Variants in TOMM70 observed in about 807,000 individuals in gnomAD.
TOMM70 encodes translocase of outer mitochondrial membrane 70.
TOMM70 carries 13 observed loss-of-function variants against 73.6 expected under a neutral mutation model. That is an observed-to-expected ratio of 0.18 (90% CI 0.11 to 0.28). TOMM70 has a LOEUF of 0.28. TOMM70 is among the 10% of genes least tolerant of loss of function. The probability of loss-of-function intolerance (pLI) is 1.00; values close to 1 mark genes in which losing one functional copy is unlikely to be tolerated. For synonymous variants in TOMM70, 257 were observed against 271.2 expected, an observed-to-expected ratio of 0.95 and a Z score of 0.51; for missense variants, 609 against 747.5, an observed-to-expected ratio of 0.81 and a Z score of 2.16.
intron 1 of TOMM70, among the ~76,000 whole-genome samples, chr3:100,388,158 G>A (rs1415446673): frequency 6.6e-6 from 1 of 152,122 alleles, no homozygotes; most frequent in Non-Finnish European, 1.5e-5. Context: ...TTAATTTCAA[G>A]GATACATATG....
intron 6 of TOMM70, among the ~76,000 whole-genome samples, chr3:100,376,374 T>TC (rs1706566013): frequency 6.7e-6 from 1 of 148,262 alleles, no homozygotes; most frequent in African/African-American, 2.6e-5. Context: ...CAGAAGTTTT[T>TC]TTTTTTTTTT....
chr3:100,367,207 T>A (rs1706455091), intron 11 of TOMM70, among the ~76,000 whole-genome samples: 1 of 152,148 alleles, frequency 6.6e-6, no homozygotes, highest in Admixed American at 6.5e-5. Flanking sequence ...CTGGAGACTC[T>A]GTCTCATAAA....
rs536225484 is a variant in TOMM70 at position 100,373,155 on chromosome 3, A to C, written c.1335+383T>G. The stretch of plus-strand genomic sequence containing the variant: ...AAAATTTTTACTTAAAAAAAAAAAA[A>C]AAACAACCTTTTGAGCTTTGTGTTT... On this transcript the variant is annotated intron_variant, in intron 8 of 11. Transcript: ENST00000284320. Among the ~76,000 whole-genome samples the C allele has an allele frequency of 1.3e-3, 191 of 152,058 alleles. 1 individual carries two copies. The highest frequency in any genetic ancestry group is 6.8e-3 in the Middle Eastern group (2 of 294).
chr3:100,397,228 C>G (rs1706835748), intron 1 of TOMM70, among the ~76,000 whole-genome samples: 1 of 152,134 alleles, frequency 6.6e-6, no homozygotes, highest in African/African-American at 2.4e-5. Context: ...TTTATCCAAC[C>G]ACAGATAAGA....
intron 1 of TOMM70, among the ~76,000 whole-genome samples, chr3:100,395,868 C>A (rs1706820232): frequency 6.6e-6 from 1 of 152,078 alleles, no homozygotes; most frequent in Non-Finnish European, 1.5e-5. Flanking sequence ...AATTCTAGTA[C>A]CACGTGGTAA....
At chr3:100,395,768 G>A (rs143939832) in intron 1 of TOMM70, among the ~76,000 whole-genome samples, 537 of 152,272 alleles carry the variant, frequency 3.5e-3, no homozygotes, top group Middle Eastern at 0.01. Context: ...CTATGCACCT[G>A]TATTAGGTTC....
At chr3:100,397,637 T>C (rs923552183) in intron 1 of TOMM70, among the ~76,000 whole-genome samples, 4 of 152,232 alleles carry the variant, frequency 2.6e-5, no homozygotes, top group Non-Finnish European at 4.4e-5. Context: ...ATGCCTGTAA[T>C]CCCAGCACTT....
Position 100,377,808 on chromosome 3 carries a change from T to C in TOMM70, c.989A>G (p.Glu330Gly). The part of the protein sequence containing the change: ...EIDAEGKYMA[E>G]ALLLRATFYL... Reference sequence around the variant, plus strand: ...GAAGGTAGCTCGTAGTAGCAATGCTTCTGCCATGTATTTGCCTTCAGCATC... The same window carrying C: ...GAAGGTAGCTCGTAGTAGCAATGCTCCTGCCATGTATTTGCCTTCAGCATC... The change falls in exon 6 of 12, where the codon GAA becomes GGA. Residue 330 changes from glutamate (E) to glycine (G), a missense_variant. This residue lies in a region of TOMM70 where 432 missense variants were observed against 584.1 expected (regional missense o/e 0.74). Coordinates refer to ENST00000284320, the MANE Select transcript of TOMM70 (RefSeq NM_014820.5). 2 of 1,614,260 alleles carry C rather than the reference T, an allele frequency of 1.2e-6. No individual in the cohort carries two copies. The highest frequency in any genetic ancestry group is 1.7e-6 in the Non-Finnish European group (2 of 1,180,042).
At chr3:100,373,948 A>G (rs1488654857) in intron 7 of TOMM70, among the ~76,000 whole-genome samples, 1 of 152,224 alleles carries the variant, frequency 6.6e-6, no homozygotes, top group Non-Finnish European at 1.5e-5. Context: ...ACATTCTAAT[A>G]TCAAAGCAGG....
At chr3:100,396,604 T>C (rs570270904) in intron 1 of TOMM70, among the ~76,000 whole-genome samples, 10 of 152,294 alleles carry the variant, frequency 6.6e-5, no homozygotes, top group African/African-American at 9.6e-5. Flanking sequence ...AGCCCACAGA[T>C]TGAGAAGCAC....
chr3:100,391,147 A>G lies in TOMM70; in HGVS notation c.325-4169T>C, dbSNP rs142804905. On this transcript the variant is annotated intron_variant, in intron 1 of 11. Transcript: ENST00000284320. ...CAGAGTAAGACTCCGTCTCAAAAAAAAAAGTATAGCAAATACAATAATGTA... is the reference window on the plus strand; with the variant it reads ...CAGAGTAAGACTCCGTCTCAAAAAAGAAAGTATAGCAAATACAATAATGTA... Among the ~76,000 whole-genome samples, 807 of 152,362 alleles carry G rather than the reference A, an allele frequency of 5.3e-3. 3 individuals carry two copies. The highest frequency in any genetic ancestry group is 8.9e-3 in the Non-Finnish European group (604 of 68,028).
At chr3:100,367,301 A>T (rs1042954939) in intron 11 of TOMM70, among the ~76,000 whole-genome samples, 2 of 152,092 alleles carry the variant, frequency 1.3e-5, no homozygotes, top group South Asian at 4.1e-4. Context: ...TTACCAGCCT[A>T]TATATATTCT....
Position 100,377,783 on chromosome 3 carries a change from G to T in TOMM70, c.1014C>A (p.Phe338Leu). 6.2e-7 allele frequency: 1 copy of T among 1,614,200 alleles called. No individual in the cohort carries two copies. The highest frequency in any genetic ancestry group is 8.5e-7 in the Non-Finnish European group (1 of 1,180,044). Residue 338 changes from phenylalanine (F) to leucine (L), a missense_variant, in exon 6 of 12, where the codon TTC becomes TTA. Transcript: ENST00000284320. ...MAEALLLRATFYLLIGNANAA... is the reference protein window; with the variant it reads ...MAEALLLRATLYLLIGNANAA... ...CATTGGCATTGCCAATAAGCAGGTA[G>T]AAGGTAGCTCGTAGTAGCAATGCTT...
At position 100,401,024 on chromosome 3, in the gene TOMM70, C is replaced by G; in HGVS notation, c.-75G>C. 1 of 1,429,066 alleles carries G rather than the reference C, an allele frequency of 7.0e-7. No individual in the cohort carries two copies. The highest frequency in any genetic ancestry group is 9.4e-7 in the Non-Finnish European group (1 of 1,058,548). The allele number at this position is 1,429,066 out of a possible 1,614,324, so 88.5% of individuals were successfully genotyped here. On this transcript the variant is annotated 5_prime_UTR_variant, in exon 1 of 12. Coordinates refer to ENST00000284320, the MANE Select transcript of TOMM70 (RefSeq NM_014820.5). ...CACCAAACAGCGTGCGAAGGAAGAC[C>G]GAGGGAGGGAAGGAAAGCAATGAGC...
intron 6 of TOMM70, 27 bp from the exon 7 acceptor site, chr3:100,375,179 C>T: frequency 6.6e-7 from 1 of 1,518,204 alleles, no homozygotes; most frequent in Non-Finnish European, 8.8e-7. Context: ...AGGAAAGGTT[C>T]ATCATTACTT....
rs71752325 is a variant in TOMM70 at position 100,387,599 on chromosome 3, GACAC to G, written c.325-625_325-622del. On this transcript the variant is annotated intron_variant, in intron 1 of 11. Coordinates refer to ENST00000284320, the MANE Select transcript of TOMM70 (RefSeq NM_014820.5). Reference sequence around the variant, plus strand: ...GCTAAAAGACACAGACACAGACACAGACACACACACACACACACACACACACACA... The same window carrying G: ...GCTAAAAGACACAGACACAGACACAGACACACACACACACACACACACACA... Among the ~76,000 whole-genome samples, 681 of 118,190 alleles carry G rather than the reference GACAC, an allele frequency of 5.8e-3. 3 individuals are homozygous for G. Among genetic ancestry groups the G allele is most frequent in the African/African-American group, 0.012 (389 of 31,724 alleles). 77.5% of individuals were successfully genotyped at this position (118,190 alleles called of 152,430 possible).
chr3:100,373,993 T>G (rs1706537195), intron 7 of TOMM70, among the ~76,000 whole-genome samples: 1 of 152,178 alleles, frequency 6.6e-6, no homozygotes, highest in South Asian at 2.1e-4. Flanking sequence ...AAATTAATCT[T>G]CAGACACTAC....
In TOMM70 at chr3:100,368,175, G is replaced by C. The variant is rs767634365; in HGVS notation, c.1551-9C>G. 6.2e-7 allele frequency: 1 copy of C among 1,606,618 alleles called. No individual in the cohort carries two copies. Among genetic ancestry groups the C allele is most frequent in the Non-Finnish European group, 8.5e-7 (1 of 1,177,416 alleles). On this transcript the variant is annotated splice_polypyrimidine_tract_variant and intron_variant, in intron 10 of 11. Transcript: ENST00000284320. ...ACTGAAGTTGAAGTAAACTGCAAAT[G>C]CAAAAAAATGTCAGATGTGACCATG...
At position 100,364,405 on chromosome 3, in the gene TOMM70, G is replaced by A. The variant is rs960948596; in HGVS notation, c.*1159C>T. ...TTATTTCAGGAAATACTATGCTCTG[G>A]CTCCAAGTCTTACATCCTTTTTGAC... On this transcript the variant is annotated 3_prime_UTR_variant, in exon 12 of 12. Coordinates refer to ENST00000284320, the MANE Select transcript of TOMM70 (RefSeq NM_014820.5). 6.6e-6 allele frequency: 1 copy of A among 152,104 alleles called. No homozygotes were observed. Among genetic ancestry groups the A allele is most frequent in the Non-Finnish European group, 1.5e-5 (1 of 68,012 alleles). 9.4% of individuals were successfully genotyped at this position (152,104 alleles called of 1,614,324 possible). A position where few individuals can be genotyped will look rare whatever the true frequency, so the allele number is the denominator to read the frequency against.
Sources: gnomAD v4.1 joint callset for allele counts (sites outside exome capture counted in the v4.1 genomes callset) on GRCh38, gnomAD v4.1.1 for gene constraint, gnomAD v4.1.1 regional missense constraint, MANE v1.5 for transcripts, NCBI Gene and HGNC (gene_info 2026-07-23, HGNC 2026-07-21) for gene names.